The following DOP1B variants were observed in gnomAD, a reference collection of about 807,000 sequenced individuals.
The protein encoded by DOP1B is protein DOP1B.
Under a neutral mutation model 233.5 loss-of-function variants are expected in DOP1B, and 174 were observed. The observed-to-expected ratio is 0.75, with a 90% confidence interval of 0.66 to 0.85. The LOEUF is 0.85. Ranked by LOEUF, DOP1B falls within the 40% of genes least tolerant of loss-of-function variation. The pLI, the probability that DOP1B is intolerant of heterozygous loss-of-function variation, is 0.00. For synonymous variants in DOP1B, 1,190 were observed against 1,185.6 expected (o/e 1.00, Z -0.08); for missense variants, 2,652 against 2,846.6 (o/e 0.93, Z 1.56).
intron 2 of DOP1B, among the ~76,000 whole-genome samples, chr21:36,192,815 G>T (rs1176870754): frequency 6.6e-6 from 1 of 151,996 alleles, no homozygotes; most frequent in African/African-American, 2.4e-5. Context: ...AGCCTCCCGA[G>T]TAGCTGGGAC....
chr21:36,235,229 A>G (rs1232654267), intron 15 of DOP1B, among the ~76,000 whole-genome samples: 1 of 152,204 alleles, frequency 6.6e-6, no homozygotes, highest in East Asian at 1.9e-4. Context: ...GACTCCAGAC[A>G]GGGCTGTTGT....
Position 36,170,003 on chromosome 21 carries a change from C to A in DOP1B, c.138+5132C>A, listed in dbSNP as rs115360593. On this transcript the variant is annotated intron_variant, in intron 2 of 36. Transcript: ENST00000691173. Reference sequence around the variant, plus strand: ...TTCACCTTGGATCTTGGCCTGTCGACTTCCCGTGTGATGTGGGTCATGCCA... The same window carrying A: ...TTCACCTTGGATCTTGGCCTGTCGAATTCCCGTGTGATGTGGGTCATGCCA... 112 of 754,186 alleles carry A rather than the reference C, an allele frequency of 1.5e-4. 1 individual carries two copies. The African/African-American group carries it at 1.8e-3, about 12-fold the overall frequency. The allele number at this position is 754,186 out of a possible 1,614,324, so 46.7% of individuals were successfully genotyped here. A position where few individuals can be genotyped will look rare whatever the true frequency, so the allele number is the denominator to read the frequency against.
chr21:36,159,603 A>G (rs1601367011), intron 1 of DOP1B, among the ~76,000 whole-genome samples: 1 of 152,352 alleles, frequency 6.6e-6, no homozygotes, highest in East Asian at 1.9e-4. Flanking sequence ...GTGTGCTGGT[A>G]GTTACACCAA....
At chr21:36,185,055 T>C (rs2066148510) in intron 2 of DOP1B, among the ~76,000 whole-genome samples, 1 of 152,208 alleles carries the variant, frequency 6.6e-6, no homozygotes, top group African/African-American at 2.4e-5. Flanking sequence ...TTCTTCCTTT[T>C]CTTCTGTCTC....
At chr21:36,197,651 G>A (rs1029516656) in intron 2 of DOP1B, among the ~76,000 whole-genome samples, 5 of 152,168 alleles carry the variant, frequency 3.3e-5, no homozygotes, top group East Asian at 1.9e-4. Flanking sequence ...CAAGGTGGCC[G>A]GAAGGGCATT....
At chr21:36,233,881 T>A (rs1022717536) in intron 15 of DOP1B, among the ~76,000 whole-genome samples, 7 of 151,950 alleles carry the variant, frequency 4.6e-5, no homozygotes, top group African/African-American at 1.7e-4. Context: ...TGAGACGGAG[T>A]CCCGCTCTGT....
At chr21:36,271,249 A>G (rs1172543943) in intron 27 of DOP1B, among the ~76,000 whole-genome samples, 2 of 89,268 alleles carry the variant, frequency 2.2e-5, no homozygotes, top group Non-Finnish European at 4.2e-5. Flanking sequence ...TCGCTCTGTC[A>G]CCCAGGTTGG....
chr21:36,223,185 A>G (rs755543700), intron 10 of DOP1B, 46 bp from the exon 11 acceptor site: 1 of 1,529,504 alleles, frequency 6.5e-7, no homozygotes, highest in South Asian at 1.3e-5. Flanking sequence ...TTTGTAATTC[A>G]GGATTTTTTT....
At chr21:36,195,756 C>G (rs2835312) in intron 2 of DOP1B, among the ~76,000 whole-genome samples, 99,975 of 152,188 alleles carry the variant, frequency 0.66, 33,762 homozygotes, top group African/African-American at 0.83. Flanking sequence ...GAAAAGAGAT[C>G]TATCAGTCAG....
At position 36,280,903 on chromosome 21, in the gene DOP1B, G is replaced by A. The variant is rs922116359; in HGVS notation, c.6031+557G>A. Among the ~76,000 whole-genome samples, 5 of 152,178 alleles carry A rather than the reference G, an allele frequency of 3.3e-5. No individual in the cohort carries two copies. The East Asian group carries it at 9.6e-4, about 29-fold the overall frequency. On this transcript the variant is annotated intron_variant, in intron 31 of 36. Transcript: ENST00000691173. The stretch of plus-strand genomic sequence containing the variant: ...TGTAGTCCCAGCTACTCGGGAGGCT[G>A]AGGCAGGAGAATGGCATGAACCCGG...
Position 36,211,663 on chromosome 21 carries a change from G to T in DOP1B, c.780+12G>T. 1 of 1,612,284 alleles carries T rather than the reference G, an allele frequency of 6.2e-7. No homozygotes were observed. Among genetic ancestry groups the T allele is most frequent in the Non-Finnish European group, 8.5e-7 (1 of 1,178,438 alleles). ...TTTATACCTGTCTGGTAAGTAATTT[G>T]TACTCTTCTGGTAAGTCACTGGTGT... is the stretch of plus-strand genomic sequence containing the variant. On this transcript the variant is annotated intron_variant, in intron 6 of 36. Coordinates refer to ENST00000691173, the MANE Select transcript of DOP1B (RefSeq NM_001320714.2).
chr21:36,223,575 C>T (rs1051373711), intron 11 of DOP1B, among the ~76,000 whole-genome samples: 2 of 152,152 alleles, frequency 1.3e-5, no homozygotes, highest in Non-Finnish European at 2.9e-5. Flanking sequence ...CCATGTAATT[C>T]TGAAGCTGCT....
chr21:36,289,351 A>G, intron 35 of DOP1B, 145 bp downstream of exon 35: 6 of 829,438 alleles, frequency 7.2e-6, no homozygotes, highest in Non-Finnish European at 1.1e-5. Flanking sequence ...CGGAATACCA[A>G]GTTTCAGATT....
chr21:36,260,891 A>G lies in DOP1B; in HGVS notation c.5315+159A>G, dbSNP rs145175207. 8.3e-6 allele frequency: 12 copies of G among 1,449,664 alleles called. No individual in the cohort carries two copies. The South Asian group carries it at 1.7e-4, about 20-fold the overall frequency. 89.8% of individuals were successfully genotyped at this position (1,449,664 alleles called of 1,614,324 possible). A position where few individuals can be genotyped will look rare whatever the true frequency, so the allele number is the denominator to read the frequency against. On this transcript the variant is annotated intron_variant, in intron 24 of 36. Transcript: ENST00000691173. The stretch of plus-strand genomic sequence containing the variant: ...TAATTTCTTCCCAAGGTATTGATCT[A>G]TGCTTTTCCTTCTCCAGAGAGTTAA...
At chr21:36,183,296 C>T (rs911195742) in intron 2 of DOP1B, among the ~76,000 whole-genome samples, 4 of 152,094 alleles carry the variant, frequency 2.6e-5, no homozygotes, top group African/African-American at 9.7e-5. Flanking sequence ...CCACACATTG[C>T]CAAATGTCCC....
At position 36,270,053 on chromosome 21, in the gene DOP1B, C is replaced by T. The variant is rs1381154119; in HGVS notation, c.5528C>T (p.Ala1843Val). ...QKILEAVGNI[A>V]GSSLEQTSWL... ...ATCCTAGAAGCTGTGGGGAACATTG[C>T]CGGCTCTTCCTTGGAGCAAACCAGC... Residue 1843 changes from alanine (A) to valine (V), a missense_variant, in exon 27 of 37, where the codon GCC becomes GTC. By Grantham distance (64) the Ala-to-Val change is moderately conservative. This residue lies in a region of DOP1B where 2,617 missense variants were observed against 2,794.3 expected (regional missense o/e 0.94). Transcript: ENST00000691173. The T allele has an allele frequency of 6.2e-7, 1 of 1,614,094 alleles. No individual in the cohort carries two copies. Among genetic ancestry groups the T allele is most frequent in the South Asian group, 1.1e-5 (1 of 91,072 alleles).
Position 36,270,923 on chromosome 21 carries a change from A to G in DOP1B, c.5632+766A>G, listed in dbSNP as rs1371171518. Among the ~76,000 whole-genome samples, 4 of 151,234 alleles carry G rather than the reference A, an allele frequency of 2.6e-5. No individual in the cohort carries two copies. The East Asian group carries it at 5.8e-4, about 22-fold the overall frequency. On this transcript the variant is annotated intron_variant, in intron 27 of 36. Coordinates refer to ENST00000691173, the MANE Select transcript of DOP1B (RefSeq NM_001320714.2). ...GTGAGACTACACCTCAAAAAAAAAA[A>G]AAAGAAAGAAAGAAAGTACCTGAGG...
intron 2 of DOP1B, among the ~76,000 whole-genome samples, chr21:36,167,708 C>T (rs2123396819): frequency 6.6e-6 from 1 of 151,828 alleles, no homozygotes; most frequent in South Asian, 2.1e-4. Flanking sequence ...CTCCCCATTC[C>T]TCCCTCCCCC....
Position 36,276,670 on chromosome 21 carries a change from G to A in DOP1B, c.5633-351G>A, listed in dbSNP as rs547550631. The stretch of plus-strand genomic sequence containing the variant: ...AGCCTGGCCAACATGGCAAAACCCC[G>A]TCTCTACTAAAAATACAAAAATTAG... On this transcript the variant is annotated intron_variant, in intron 27 of 36. Transcript: ENST00000691173. Among the ~76,000 whole-genome samples the A allele has an allele frequency of 7.2e-5, 11 of 151,972 alleles. No homozygotes were observed. The South Asian group carries it at 2.1e-3, about 29-fold the overall frequency.
Sources: gnomAD v4.1 joint callset for allele counts (sites outside exome capture counted in the v4.1 genomes callset) on GRCh38, gnomAD v4.1.1 for gene constraint, gnomAD v4.1.1 regional missense constraint, MANE v1.5 for transcripts, NCBI Gene and HGNC (gene_info 2026-07-23, HGNC 2026-07-21) for gene names.